ARID1B: variants seen among roughly 807,000 people sequenced by gnomAD.
ARID1B encodes AT-rich interaction domain 1B, also known as AT-rich interactive domain-containing protein 1B.
Under a neutral mutation model 212.3 loss-of-function variants are expected in ARID1B, and 30 were observed. That is an observed-to-expected ratio of 0.14 (90% confidence interval 0.11 to 0.19). ARID1B has a LOEUF of 0.19. Among genes scored for constraint, ARID1B ranks in the 10% least tolerant of loss-of-function variants. The pLI is 1.00. For synonymous variants in ARID1B, 1,402 were observed against 1,301.7 expected (o/e 1.08, Z -1.66); for missense variants, 2,891 against 3,204.0 (o/e 0.90, Z 2.36).
At position 157,197,982 on chromosome 6, in the gene ARID1B, ATTCCTTGAT is replaced by A. The variant is rs202242672; in HGVS notation, c.4383-828_4383-820del. Among the ~76,000 whole-genome samples the A allele has an allele frequency of 1.9e-3, 283 of 152,266 alleles. 2 individuals carry two copies. The highest frequency in any genetic ancestry group is 6.7e-3 in the East Asian group (35 of 5,186). On this transcript the variant is annotated intron_variant, in intron 16 of 19. Transcript: ENST00000636930. The stretch of plus-strand genomic sequence containing the variant: ...TCAGTTATTTGTTTTTATTATTCTC[ATTCCTTGAT>A]CAGCTTAGGAATATATTCAGTCCAT...
chr6:157,033,222 A>AAT (rs1781122243), intron 4 of ARID1B, among the ~76,000 whole-genome samples: 1 of 152,120 alleles, frequency 6.6e-6, no homozygotes, highest in African/African-American at 2.4e-5. Context: ...AATTACCCAA[A>AAT]CCTGTGTATA....
chr6:156,897,218 G>GCTTCTTCTTCTTCTTCTT (rs796265973), intron 2 of ARID1B, among the ~76,000 whole-genome samples: 125 of 91,304 alleles, frequency 1.4e-3, no homozygotes, highest in East Asian at 7.4e-3. Flanking sequence ...TGCTGCTGCT[G>GCTTCTTCTTCTTCTTCTT]CTTCTTCTTC....
At chr6:157,061,822 G>A (rs1330491415) in intron 4 of ARID1B, among the ~76,000 whole-genome samples, 4 of 152,104 alleles carry the variant, frequency 2.6e-5, no homozygotes, top group African/African-American at 9.7e-5. Context: ...TTTTTTCACA[G>A]CATAAAAAAG....
intron 4 of ARID1B, among the ~76,000 whole-genome samples, chr6:156,948,485 C>T (rs1793333811): frequency 6.6e-6 from 1 of 152,182 alleles, no homozygotes; most frequent in Non-Finnish European, 1.5e-5. Flanking sequence ...TGTGGTCCTC[C>T]CACCTCTGCC....
chr6:157,207,717 A>T lies in ARID1B; in HGVS notation c.6945A>T (p.Val2315=). The T allele has an allele frequency of 6.3e-7, 1 of 1,598,916 alleles. No homozygotes were observed. Among genetic ancestry groups the T allele is most frequent in the South Asian group, 1.1e-5 (1 of 90,668 alleles). ...CCCCGCCCCTGGAACCACCTAGCGT[A>T]GACATGATGTGCAGGGCGGCCAAGG... ...MQPPPLEPPS[V]DMMCRAAKAL... is the part of the protein sequence containing the mutation. The change falls in exon 20 of 20, where the codon GTA becomes GTT. Residue 2315 remains valine (V), a synonymous_variant. Coordinates refer to ENST00000636930, the MANE Select transcript of ARID1B (RefSeq NM_001374828.1). The surrounding 1 kb of genome is among the most constrained non-coding windows in gnomAD (Gnocchi z 8.5).
chr6:157,136,758 A>C (rs538141495), intron 7 of ARID1B, among the ~76,000 whole-genome samples: 28 of 152,108 alleles, frequency 1.8e-4, no homozygotes, highest in Admixed American at 1.6e-3. Flanking sequence ...GCTACTTGGG[A>C]GGCTGAGGCA....
intron 4 of ARID1B, among the ~76,000 whole-genome samples, chr6:156,995,593 A>G (rs1414445134): frequency 6.6e-6 from 1 of 152,238 alleles, no homozygotes; most frequent in Non-Finnish European, 1.5e-5. Context: ...CAAGCCTGCT[A>G]CTTAGTAACC....
chr6:156,966,208 A>T (rs914783707), intron 4 of ARID1B, among the ~76,000 whole-genome samples: 1 of 152,194 alleles, frequency 6.6e-6, no homozygotes, highest in Non-Finnish European at 1.5e-5. Flanking sequence ...TTAAATTCCT[A>T]TAAGTGTGCA....
chr6:156,979,457 A>G (rs987504289), intron 4 of ARID1B, among the ~76,000 whole-genome samples: 30 of 152,132 alleles, frequency 2.0e-4, no homozygotes, highest in African/African-American at 7.2e-4. Context: ...CTGTGGGAGT[A>G]TTGGAAATTA....
intron 4 of ARID1B, among the ~76,000 whole-genome samples, chr6:156,968,483 AGCCTTTGTTTTCCATCATCATTCTCATC>A (rs1451913169): frequency 6.6e-6 from 1 of 152,248 alleles, no homozygotes; most frequent in African/African-American, 2.4e-5. Context: ...ATGTAAATTA[AGCCTTTGTTTTCCATCATCATTCTCATC>A]GTCTTTTTCA....
chr6:156,929,029 T>C (rs1168204916), intron 3 of ARID1B, among the ~76,000 whole-genome samples: 1 of 152,204 alleles, frequency 6.6e-6, no homozygotes, highest in Non-Finnish European at 1.5e-5. Context: ...AATGAAGAGA[T>C]ATCCATCACT....
At position 157,142,194 on chromosome 6, in the gene ARID1B, G is replaced by C. The variant is rs1308006047; in HGVS notation, c.2762-6430G>C. On this transcript the variant is annotated intron_variant, in intron 7 of 19. Coordinates refer to ENST00000636930, the MANE Select transcript of ARID1B (RefSeq NM_001374828.1). ...CGGAAATCAGATCAGTGGTTGCCAGGGGGTGGCATGGGGATAAGGTTGACT... is the reference window on the plus strand; with the variant it reads ...CGGAAATCAGATCAGTGGTTGCCAGCGGGTGGCATGGGGATAAGGTTGACT... Among the ~76,000 whole-genome samples, 6 of 152,298 alleles carry C rather than the reference G, an allele frequency of 3.9e-5. No individual in the cohort carries two copies. The East Asian group carries it at 9.6e-4, about 24-fold the overall frequency.
At chr6:157,121,470 A>C (rs75829069) in intron 6 of ARID1B, among the ~76,000 whole-genome samples, 8,327 of 152,248 alleles carry the variant, frequency 0.055, 349 homozygotes, top group Non-Finnish European at 0.086. Context: ...ATACAAAAAT[A>C]TTCATTTTTT....
At chr6:157,005,689 A>G (rs1428818613) in intron 4 of ARID1B, among the ~76,000 whole-genome samples, 1 of 152,174 alleles carries the variant, frequency 6.6e-6, no homozygotes, top group Non-Finnish European at 1.5e-5. Flanking sequence ...TACTCACCAC[A>G]TCCCAATACC....
At chr6:156,813,110 T>TA (rs1562404761) in intron 1 of ARID1B, among the ~76,000 whole-genome samples, 13 of 58,970 alleles carry the variant, frequency 2.2e-4, no homozygotes, top group African/African-American at 6.5e-4. Flanking sequence ...ATATATATAT[T>TA]TTTTTTTTTT....
At position 156,875,625 on chromosome 6, in the gene ARID1B, C is replaced by T. The variant is rs116292718; in HGVS notation, c.1987-25751C>T. 9.6e-3 allele frequency among the ~76,000 whole-genome samples: 1,459 copies of T among 152,296 alleles called. 22 individuals carry two copies. The highest frequency in any genetic ancestry group is 0.032 in the African/African-American group (1,324 of 41,556). Reference sequence around the variant, plus strand: ...AGCTTCTCCTCACAAAATAAAGATGCGAGTCTCTGTTCAGATTTAAACAGT... The same window carrying T: ...AGCTTCTCCTCACAAAATAAAGATGTGAGTCTCTGTTCAGATTTAAACAGT... On this transcript the variant is annotated intron_variant, in intron 2 of 19. Transcript: ENST00000636930.
At chr6:156,953,356 G>C (rs1793725924) in intron 4 of ARID1B, among the ~76,000 whole-genome samples, 2 of 152,232 alleles carry the variant, frequency 1.3e-5, no homozygotes, top group African/African-American at 4.8e-5. Flanking sequence ...AGCAGTTATA[G>C]AGGTGGTTTT....
At chr6:157,162,611 T>C (rs1047686938) in intron 8 of ARID1B, among the ~76,000 whole-genome samples, 2 of 152,250 alleles carry the variant, frequency 1.3e-5, no homozygotes, top group Non-Finnish European at 2.9e-5. Context: ...ATGACAGTTC[T>C]TAAATACCTC....
intron 1 of ARID1B, among the ~76,000 whole-genome samples, chr6:156,785,892 G>A (rs527622643): frequency 5.3e-5 from 8 of 152,122 alleles, no homozygotes; most frequent in African/African-American, 1.9e-4. Flanking sequence ...TTCTAACTTT[G>A]GGGTAATCCT....
Sources: gnomAD v4.1 joint callset for allele counts (sites outside exome capture counted in the v4.1 genomes callset) on GRCh38, gnomAD v4.1.1 for gene constraint, Gnocchi (gnomAD v3.1) non-coding constraint, MANE v1.5 for transcripts, NCBI Gene and HGNC (gene_info 2026-07-23, HGNC 2026-07-21) for gene names.